Variants in NKAIN2 observed in about 807,000 individuals in gnomAD.
NKAIN2 encodes sodium/potassium-transporting ATPase subunit beta-1-interacting protein 2.
A neutral mutation model predicts 32.6 loss-of-function variants in NKAIN2; 14 were observed. That is an observed-to-expected ratio of 0.43 (90% confidence interval 0.28 to 0.67). The LOEUF is 0.67. Ranked by LOEUF, NKAIN2 falls within the 30% of genes least tolerant of loss-of-function variation. The pLI is 0.17. For missense variants in NKAIN2, 198 were observed against 258.3 expected (o/e 0.77, Z 1.60); for synonymous variants, 80 against 87.2 (o/e 0.92, Z 0.46).
intron 1 of NKAIN2, among the ~76,000 whole-genome samples, chr6:123,807,828 G>A (rs148077556): frequency 5.4e-4 from 82 of 152,214 alleles, no homozygotes; most frequent in Admixed American, 2.4e-3. Context: ...CTTGAAAAAT[G>A]CCACTATTGC....
chr6:124,368,133 C>T (rs952620468), intron 3 of NKAIN2, among the ~76,000 whole-genome samples: 1 of 152,070 alleles, frequency 6.6e-6, no homozygotes, highest in African/African-American at 2.4e-5. Context: ...TGTATCCAGA[C>T]ATCCTCTAGT....
intron 3 of NKAIN2, among the ~76,000 whole-genome samples, chr6:124,650,067 C>A (rs1562304973): frequency 6.6e-6 from 1 of 152,126 alleles, no homozygotes; most frequent in Admixed American, 6.6e-5. Flanking sequence ...GAACTAGAAG[C>A]TTTTCTACTA....
At chr6:123,976,370 CCCATATATATAT>C (rs1778616515) in intron 1 of NKAIN2, among the ~76,000 whole-genome samples, 2 of 11,690 alleles carry the variant, frequency 1.7e-4, no homozygotes, top group African/African-American at 5.8e-4. Context: ...TATATATATT[CCCATATATATAT>C]ATATATATAT....
chr6:123,953,420 G>T (rs1255166067), intron 1 of NKAIN2, among the ~76,000 whole-genome samples: 1 of 152,140 alleles, frequency 6.6e-6, no homozygotes, highest in East Asian at 1.9e-4. Flanking sequence ...GGGTTTTCAG[G>T]CCCCTGGGCA....
intron 3 of NKAIN2, among the ~76,000 whole-genome samples, chr6:124,362,132 A>G (rs1436459500): frequency 6.6e-6 from 1 of 152,098 alleles, no homozygotes; most frequent in Non-Finnish European, 1.5e-5. Context: ...ACAAAATTTA[A>G]CAAATATTAT....
intron 2 of NKAIN2, among the ~76,000 whole-genome samples, chr6:124,326,566 C>T (rs1797423017): frequency 6.6e-6 from 1 of 152,078 alleles, no homozygotes; most frequent in African/African-American, 2.4e-5. Context: ...CAGGACTTTG[C>T]CAGATCTGCT....
intron 1 of NKAIN2, among the ~76,000 whole-genome samples, chr6:123,843,743 G>C (rs561442007): frequency 2.7e-5 from 4 of 150,748 alleles, no homozygotes; most frequent in South Asian, 4.2e-4. Context: ...GAAAGAACAG[G>C]GGTTTGGGGC....
In NKAIN2 at chr6:124,413,298, A is replaced by T. The variant is rs528949863; in HGVS notation, c.273+57951A>T. Among the ~76,000 whole-genome samples, 12 of 152,254 alleles carry T rather than the reference A, an allele frequency of 7.9e-5. No homozygotes were observed. In the South Asian group the frequency reaches 2.5e-3, roughly 32 times the overall value. The stretch of plus-strand genomic sequence containing the variant: ...TTTAAGAATTGACGTTCATTCTTTT[A>T]AGTATGCAGATTTTCAATTGTTGTG... On this transcript the variant is annotated intron_variant, in intron 3 of 6. Transcript: ENST00000368417.
intron 4 of NKAIN2, among the ~76,000 whole-genome samples, chr6:124,713,643 A>C (rs545156088): frequency 6.6e-6 from 1 of 152,326 alleles, no homozygotes; most frequent in Admixed American, 6.5e-5. Flanking sequence ...TTGTGCATAA[A>C]AAATCAGAGC....
At chr6:123,918,215 TA>T (rs1164634679) in intron 1 of NKAIN2, among the ~76,000 whole-genome samples, 4 of 152,148 alleles carry the variant, frequency 2.6e-5, no homozygotes, top group East Asian at 1.9e-4. Flanking sequence ...ATATTACAAA[TA>T]GGGGTATGTT....
At chr6:124,575,663 C>T (rs1186335551) in intron 3 of NKAIN2, among the ~76,000 whole-genome samples, 1 of 152,148 alleles carries the variant, frequency 6.6e-6, no homozygotes, top group African/African-American at 2.4e-5. Flanking sequence ...CGGGGAATTG[C>T]TTAGGCCAGT....
chr6:124,407,327 T>C (rs1773908260), intron 3 of NKAIN2, among the ~76,000 whole-genome samples: 1 of 151,624 alleles, frequency 6.6e-6, no homozygotes, highest in African/African-American at 2.4e-5. Context: ...GTATATCTCC[T>C]AATGCTATCC....
chr6:124,808,834 A>C (rs546860395), intron 5 of NKAIN2, among the ~76,000 whole-genome samples: 1 of 152,334 alleles, frequency 6.6e-6, no homozygotes, highest in Admixed American at 6.5e-5. Flanking sequence ...CTTATACACC[A>C]ATAACAGACA....
intron 1 of NKAIN2, among the ~76,000 whole-genome samples, chr6:124,044,573 T>C (rs1782032747): frequency 6.6e-6 from 1 of 152,076 alleles, no homozygotes; most frequent in South Asian, 2.1e-4. Context: ...ATTCATCTCA[T>C]GGTTGTGTCT....
chr6:124,709,203 T>TGGATAAGC (rs1217905627), intron 4 of NKAIN2, among the ~76,000 whole-genome samples: 1 of 147,396 alleles, frequency 6.8e-6, no homozygotes, highest in African/African-American at 2.5e-5. Flanking sequence ...TTGATCATGG[T>TGGATAAGC]GGATAAGCTT....
chr6:124,699,530 C>T (rs1003420202), intron 4 of NKAIN2, among the ~76,000 whole-genome samples: 10 of 152,150 alleles, frequency 6.6e-5, no homozygotes, highest in Non-Finnish European at 1.0e-4. Context: ...GGCAGTTTCT[C>T]ATAAATGGTT....
chr6:124,636,978 C>G (rs2114335914), intron 3 of NKAIN2, among the ~76,000 whole-genome samples: 1 of 152,110 alleles, frequency 6.6e-6, no homozygotes, highest in African/African-American at 2.4e-5. Context: ...AACATGGATG[C>G]AAACGTCCTC....
chr6:124,312,043 A>T (rs1419280140), intron 2 of NKAIN2, among the ~76,000 whole-genome samples: 2 of 152,126 alleles, frequency 1.3e-5, no homozygotes, highest in Admixed American at 1.3e-4. Context: ...GAGGTATATA[A>T]ATAGAGAAAA....
intron 4 of NKAIN2, among the ~76,000 whole-genome samples, chr6:124,782,848 C>T (rs1779336526): frequency 6.6e-6 from 1 of 152,098 alleles, no homozygotes; most frequent in African/African-American, 2.4e-5. Flanking sequence ...GTTCCTTTTG[C>T]ACATTACAAA....
Sources: allele counts gnomAD v4.1 joint callset (sites outside exome capture counted in the v4.1 genomes callset), GRCh38; gene constraint gnomAD v4.1.1; transcripts MANE v1.5; gene names NCBI Gene and HGNC (gene_info 2026-07-23, HGNC 2026-07-21).